The following ARL6IP6 variants were observed in gnomAD, a reference collection of about 807,000 sequenced individuals.
ARL6IP6 encodes ARF like GTPase 6 interacting protein 6, also known as ADP-ribosylation factor-like protein 6-interacting protein 6.
A neutral mutation model predicts 21.5 loss-of-function variants in ARL6IP6; 22 were observed. The ratio of observed to expected loss-of-function variants is 1.02; its 90% CI spans 0.73 to 1.46. The LOEUF (loss-of-function observed/expected upper bound fraction) is 1.46. ARL6IP6 is among the 40% of genes most tolerant of loss of function. ARL6IP6 has a pLI of 0.00. For missense variants in ARL6IP6, 388 were observed against 299.8 expected (o/e 1.29, Z -2.17); for synonymous variants, 164 against 125.3 (o/e 1.31, Z -2.06).
chr2:152,721,828 A>C (rs893390437), intron 2 of ARL6IP6, among the ~76,000 whole-genome samples: 1 of 152,250 alleles, frequency 6.6e-6, no homozygotes, highest in Non-Finnish European at 1.5e-5. Flanking sequence ...TCAAATTGCA[A>C]AGAAGTTGGT....
intron 3 of ARL6IP6, among the ~76,000 whole-genome samples, chr2:152,737,907 CA>C (rs1700624748): frequency 6.6e-6 from 1 of 152,136 alleles, no homozygotes; most frequent in Non-Finnish European, 1.5e-5. Context: ...AACAGTCCCC[CA>C]AATTTCAGCA....
chr2:152,719,857 C>A (rs755038133), intron 1 of ARL6IP6: 1 of 461,438 alleles, frequency 2.2e-6, no homozygotes, highest in African/African-American at 2.0e-5. Context: ...ATAATTAAAT[C>A]TATTTAACTC....
At chr2:152,745,026 A>T (rs1018632883) in intron 3 of ARL6IP6, among the ~76,000 whole-genome samples, 2 of 152,152 alleles carry the variant, frequency 1.3e-5, no homozygotes, top group African/African-American at 4.8e-5. Context: ...ATGTAATTAG[A>T]TGCTAACATT....
intron 3 of ARL6IP6, among the ~76,000 whole-genome samples, chr2:152,749,869 G>A (rs1246203999): frequency 1.3e-5 from 2 of 152,222 alleles, no homozygotes; most frequent in African/African-American, 2.4e-5. Flanking sequence ...GGATATGGAA[G>A]TAGATCTAAA....
chr2:152,724,124 AAAAG>A (rs765753075), intron 2 of ARL6IP6, among the ~76,000 whole-genome samples: 5 of 141,582 alleles, frequency 3.5e-5, no homozygotes, highest in South Asian at 2.2e-4. Flanking sequence ...AAAAAAAAAA[AAAAG>A]AGAGAAAGCC....
chr2:152,754,852 CTT>C (rs1559244819), intron 3 of ARL6IP6, among the ~76,000 whole-genome samples: 1 of 152,028 alleles, frequency 6.6e-6, no homozygotes, highest in Non-Finnish European at 1.5e-5. Context: ...TTTTCATGTC[CTT>C]ATTGGCTATT....
intron 3 of ARL6IP6, among the ~76,000 whole-genome samples, chr2:152,745,632 T>C (rs1288635509): frequency 6.6e-6 from 1 of 152,226 alleles, no homozygotes; most frequent in Non-Finnish European, 1.5e-5. Flanking sequence ...TCGAATCAGA[T>C]TCTTTATTGC....
At chr2:152,758,304 T>A (rs917264813) in intron 3 of ARL6IP6, among the ~76,000 whole-genome samples, 1 of 152,168 alleles carries the variant, frequency 6.6e-6, no homozygotes, top group African/African-American at 2.4e-5. Context: ...ATGCATTTTT[T>A]TTTTCAAAAT....
At chr2:152,748,808 G>A (rs1232728245) in intron 3 of ARL6IP6, among the ~76,000 whole-genome samples, 2 of 152,172 alleles carry the variant, frequency 1.3e-5, no homozygotes, top group African/African-American at 4.8e-5. Flanking sequence ...GAATAAATAT[G>A]GCATGGAACA....
At chr2:152,730,913 A>G (rs1700279177) in intron 2 of ARL6IP6, among the ~76,000 whole-genome samples, 1 of 151,916 alleles carries the variant, frequency 6.6e-6, no homozygotes, top group Admixed American at 6.6e-5. Flanking sequence ...CAGTAGCACT[A>G]CTCCCTTTCC....
rs1441331039 is a variant in ARL6IP6, at chr2:152,761,646, T to C, written c.*1806T>C. ...CCCGTAAGATTATACTGCTGCATTT[T>C]TTACTTTATTTTTTCTCTGTTTAGA... On this transcript the variant is annotated 3_prime_UTR_variant, in exon 4 of 4. Transcript: ENST00000326446. Among the ~76,000 whole-genome samples, 2 of 152,228 alleles carry C rather than the reference T, an allele frequency of 1.3e-5. No individual in the cohort carries two copies. Among genetic ancestry groups the C allele is most frequent in the African/African-American group, 4.8e-5 (2 of 41,464 alleles).
At chr2:152,726,004 A>T (rs1301875177) in intron 2 of ARL6IP6, among the ~76,000 whole-genome samples, 2 of 152,232 alleles carry the variant, frequency 1.3e-5, no homozygotes, top group East Asian at 3.8e-4. Context: ...TATACTGAAG[A>T]TTACAAGCTT....
intron 2 of ARL6IP6, among the ~76,000 whole-genome samples, chr2:152,726,994 G>A (rs540564941): frequency 1.3e-5 from 2 of 152,078 alleles, no homozygotes; most frequent in South Asian, 4.1e-4. Context: ...TATTTACTAT[G>A]CTTCTTATTG....
chr2:152,745,481 A>G (rs1701001778), intron 3 of ARL6IP6, among the ~76,000 whole-genome samples: 1 of 152,228 alleles, frequency 6.6e-6, no homozygotes, highest in Non-Finnish European at 1.5e-5. Flanking sequence ...GGGCATATAT[A>G]TAAGCCTTGG....
In ARL6IP6 at chr2:152,720,595, T is replaced by G; in HGVS notation, c.454+9T>G. Reference sequence around the variant, plus strand: ...AGACACTGGACTATTAGGTATGGACTTAATTGCCGCTTGCTTTGGTTTTGA... The same window carrying G: ...AGACACTGGACTATTAGGTATGGACGTAATTGCCGCTTGCTTTGGTTTTGA... On this transcript the variant is annotated intron_variant, in intron 2 of 3. Transcript: ENST00000326446. 6.2e-7 allele frequency: 1 copy of G among 1,610,888 alleles called. No homozygotes were observed. The highest frequency in any genetic ancestry group is 1.7e-4 in the Middle Eastern group (1 of 6,054).
At chr2:152,754,321 T>C (rs990935216) in intron 3 of ARL6IP6, among the ~76,000 whole-genome samples, 2 of 152,144 alleles carry the variant, frequency 1.3e-5, no homozygotes, top group Non-Finnish European at 2.9e-5. Flanking sequence ...CAGATTTTTT[T>C]TTAATGTAGT....
intron 3 of ARL6IP6, among the ~76,000 whole-genome samples, chr2:152,738,014 C>G (rs1424927462): frequency 1.3e-5 from 2 of 152,136 alleles, no homozygotes; most frequent in African/African-American, 4.8e-5. Flanking sequence ...TAATTACTTC[C>G]AAGATAACAA....
At chr2:152,721,626 T>C (rs1476505064) in intron 2 of ARL6IP6, among the ~76,000 whole-genome samples, 1 of 152,250 alleles carries the variant, frequency 6.6e-6, no homozygotes, top group Non-Finnish European at 1.5e-5. Context: ...TCATTTGATG[T>C]GATCACTTTA....
intron 2 of ARL6IP6, among the ~76,000 whole-genome samples, chr2:152,727,750 A>T (rs1388514761): frequency 3.9e-5 from 6 of 152,020 alleles, no homozygotes; most frequent in Non-Finnish European, 7.4e-5. Context: ...GAATAATAGG[A>T]TATAACTGTA....
Sources: gnomAD v4.1 joint callset for allele counts (sites outside exome capture counted in the v4.1 genomes callset) on GRCh38, gnomAD v4.1.1 for gene constraint, MANE v1.5 for transcripts, NCBI Gene and HGNC (gene_info 2026-07-23, HGNC 2026-07-21) for gene names.